The following CDH7 variants were observed in gnomAD, a reference collection of about 807,000 sequenced individuals.
CDH7 encodes the protein cadherin 7.
CDH7 carries 25 observed loss-of-function variants against 71.8 expected under a neutral mutation model. The observed-to-expected ratio is 0.35, with a 90% CI of 0.25 to 0.49. The LOEUF (loss-of-function observed/expected upper bound fraction) is 0.49. Among genes scored for constraint, CDH7 ranks in the 20% least tolerant of loss-of-function variants. The pLI is 0.99. For missense variants in CDH7, 862 were observed against 974.6 expected (o/e 0.88, Z 1.54); for synonymous variants, 381 against 363.8 (o/e 1.05, Z -0.54).
chr18:65,822,749 TTCCCCCACG>T (rs1488228591), intron 5 of CDH7, among the ~76,000 whole-genome samples: 1 of 152,006 alleles, frequency 6.6e-6, no homozygotes, highest in East Asian at 1.9e-4. Flanking sequence ...CCTTTAGCAG[TTCCCCCACG>T]TCTTTCTTGT....
At chr18:65,862,964 C>T in intron 11 of CDH7, 47 bp downstream of exon 11, 1 of 1,588,402 alleles carries the variant, frequency 6.3e-7, no homozygotes, top group Non-Finnish European at 8.6e-7. Flanking sequence ...GTCACAATAA[C>T]CACATGTCAC....
chr18:65,838,294 A>G (rs2143976017), intron 6 of CDH7, among the ~76,000 whole-genome samples: 1 of 152,286 alleles, frequency 6.6e-6, no homozygotes, highest in Non-Finnish European at 1.5e-5. Flanking sequence ...ACTCAAGCCC[A>G]TTTACTTAGG....
chr18:65,857,013 AT>A (rs1370476427), intron 7 of CDH7, among the ~76,000 whole-genome samples: 5 of 60,392 alleles, frequency 8.3e-5, no homozygotes, highest in Non-Finnish European at 1.0e-4. Context: ...ACTGAGTAAG[AT>A]TTAAAAAAAA....
At chr18:65,875,009 G>A (rs2587411) in intron 11 of CDH7, among the ~76,000 whole-genome samples, 10,778 of 152,206 alleles carry the variant, frequency 0.071, 1,197 homozygotes, top group African/African-American at 0.24. Context: ...TGTGGCCCAG[G>A]ATGGCTTTGA....
At chr18:65,841,456 A>C (rs1196275530) in intron 6 of CDH7, among the ~76,000 whole-genome samples, 1 of 152,188 alleles carries the variant, frequency 6.6e-6, no homozygotes, top group African/African-American at 2.4e-5. Context: ...AGGAGCTGAC[A>C]AATCGGATTT....
intron 10 of CDH7, 89 bp from the exon 11 acceptor site, chr18:65,862,577 A>C: frequency 7.6e-7 from 1 of 1,319,726 alleles, no homozygotes. Flanking sequence ...TAATTAAGGC[A>C]TCAAAGTAAA....
In CDH7 at chr18:65,877,239, A is replaced by G. The variant is rs75166875; in HGVS notation, c.1865-3162A>G. On this transcript the variant is annotated intron_variant, in intron 11 of 11. Coordinates refer to ENST00000397968, the MANE Select transcript of CDH7 (RefSeq NM_004361.5). ...AAGATTGGGAAATAAAGCAAACTGC[A>G]TAACACATTAATATCCTTGATGTGT... Among the ~76,000 whole-genome samples, 429 of 152,314 alleles carry G rather than the reference A, an allele frequency of 2.8e-3. 3 individuals carry two copies. Among genetic ancestry groups the G allele is most frequent in the African/African-American group, 9.4e-3 (390 of 41,578 alleles).
chr18:65,821,780 G>T (rs1173220351), intron 4 of CDH7, among the ~76,000 whole-genome samples: 1 of 152,088 alleles, frequency 6.6e-6, no homozygotes, highest in Non-Finnish European at 1.5e-5. Flanking sequence ...ATTATTCTAG[G>T]TAAAAGGCCA....
In CDH7 at chr18:65,880,418, G is replaced by A. The variant is rs774688539; in HGVS notation, c.1882G>A (p.Val628Ile). The change falls in exon 12 of 12, where the codon GTC becomes ATC. Residue 628 changes from valine (V) to isoleucine (I), a missense_variant. Physicochemically the swap from Val to Ile is conservative, Grantham distance 29. Transcript: ENST00000397968. ...LTLLVLILLI[V>I]TMRRRKKEPL... ...TGTTTCAGTGTTGATCCTCCTTATC[G>A]TCACTATGAGAAGACGGAAAAAAGA... 25 of 1,545,046 alleles carry A rather than the reference G, an allele frequency of 1.6e-5. No homozygotes were observed. The highest frequency in any genetic ancestry group is 6.4e-5 in the Admixed American group (3 of 46,818).
At chr18:65,842,600 A>T (rs1002572193) in intron 6 of CDH7, among the ~76,000 whole-genome samples, 3 of 151,950 alleles carry the variant, frequency 2.0e-5, no homozygotes, top group African/African-American at 7.2e-5. Flanking sequence ...ACAGTATAGT[A>T]TGTGTATATA....
chr18:65,779,956 C>G (rs1910117003), intron 2 of CDH7, among the ~76,000 whole-genome samples: 1 of 98,930 alleles, frequency 1.0e-5, no homozygotes, highest in Non-Finnish European at 1.8e-5. Context: ...CACATCCTCT[C>G]CAGCACCTGT....
chr18:65,847,366 G>C (rs1912969923), intron 7 of CDH7, among the ~76,000 whole-genome samples: 1 of 152,198 alleles, frequency 6.6e-6, no homozygotes. Flanking sequence ...TTGTAAAACA[G>C]TGTGGCCAAT....
intron 2 of CDH7, among the ~76,000 whole-genome samples, chr18:65,785,338 A>G (rs1417392961): frequency 2.0e-5 from 3 of 152,152 alleles, no homozygotes; most frequent in African/African-American, 7.2e-5. Context: ...TTATTAGAAT[A>G]TGATGACAGT....
chr18:65,821,354 A>G (rs1213385196), intron 4 of CDH7, among the ~76,000 whole-genome samples: 2 of 152,124 alleles, frequency 1.3e-5, no homozygotes, highest in African/African-American at 2.4e-5. Context: ...CCTAATTTGT[A>G]TATATTTTTT....
At chr18:65,799,505 G>A (rs951460051) in intron 2 of CDH7, among the ~76,000 whole-genome samples, 8 of 152,112 alleles carry the variant, frequency 5.3e-5, no homozygotes, top group East Asian at 1.9e-4. Flanking sequence ...GTGAAACCCC[G>A]TCTCTACTAA....
intron 9 of CDH7, 30 bp downstream of exon 9, chr18:65,859,076 A>G: frequency 6.2e-7 from 1 of 1,603,644 alleles, no homozygotes. Context: ...TTTGCTTCTA[A>G]TTTGTGGTTT....
rs1007991194 is a variant in CDH7, at chr18:65,885,248, A to G, written c.*4354A>G. 5 of 152,008 alleles carry G rather than the reference A, an allele frequency of 3.3e-5. No individual in the cohort carries two copies. The highest frequency in any genetic ancestry group is 7.4e-5 in the Non-Finnish European group (5 of 67,996). The allele number at this position is 152,008 out of a possible 1,614,324, so 9.4% of individuals were successfully genotyped here. On this transcript the variant is annotated 3_prime_UTR_variant, in exon 12 of 12. Coordinates refer to ENST00000397968, the MANE Select transcript of CDH7 (RefSeq NM_004361.5). Reference sequence around the variant, plus strand: ...TGTGATTTGGCCGACATTGTAACGTATAATTCTGTGGGAAATTTTTCAAGC... The same window carrying G: ...TGTGATTTGGCCGACATTGTAACGTGTAATTCTGTGGGAAATTTTTCAAGC...
intron 2 of CDH7, among the ~76,000 whole-genome samples, chr18:65,784,122 T>TTTTTG (rs1910422132): frequency 6.7e-6 from 1 of 149,354 alleles, no homozygotes. Flanking sequence ...TATTTTTTTT[T>TTTTTG]TTTTTTTTTT....
chr18:65,865,490 A>G (rs1002150173), intron 11 of CDH7: 4 of 152,088 alleles, frequency 2.6e-5, no homozygotes, highest in South Asian at 2.1e-4. Flanking sequence ...TTTAAGAGTT[A>G]CCGCAAGTCT....
Sources: gnomAD v4.1 joint callset for allele counts (sites outside exome capture counted in the v4.1 genomes callset) on GRCh38, gnomAD v4.1.1 for gene constraint, MANE v1.5 for transcripts, NCBI Gene and HGNC (gene_info 2026-07-23, HGNC 2026-07-21) for gene names.